Variants in RSPH10B2 observed in about 807,000 individuals in gnomAD.
RSPH10B2 encodes the protein radial spoke head 10 homolog B2 (Chlamydomonas).
A neutral mutation model predicts 49.0 loss-of-function variants in RSPH10B2; 9 were observed. The ratio of observed to expected loss-of-function variants is 0.18; its 90% CI spans 0.11 to 0.32. The LOEUF (loss-of-function observed/expected upper bound fraction) is 0.32, where lower values mean the gene tolerates loss of function less well. Among genes scored for constraint, RSPH10B2 ranks in the 10% least tolerant of loss-of-function variants. The pLI is 1.00. For missense variants in RSPH10B2, 95 were observed against 589.9 expected, an observed-to-expected ratio of 0.16 and a Z score of 8.69; for synonymous variants, 35 against 210.2, an observed-to-expected ratio of 0.17 and a Z score of 7.21.
intron 1 of RSPH10B2, among the ~76,000 whole-genome samples, chr7:6,758,872 CAAAA>C (rs1183601786): frequency 7.3e-6 from 1 of 136,606 alleles, no homozygotes; most frequent in African/African-American, 2.7e-5. Flanking sequence ...AAAAAACAAA[CAAAA>C]AAACCCCGAA....
At position 6,784,690 on chromosome 7, in the gene RSPH10B2, C is replaced by T. The variant is rs1428363505; in HGVS notation, c.1759-1259C>T. Among the ~76,000 whole-genome samples the T allele has an allele frequency of 2.3e-5, 3 of 129,384 alleles. 1 individual carries two copies. The highest frequency in any genetic ancestry group is 7.3e-3 in the Middle Eastern group (2 of 274). 84.9% of individuals were successfully genotyped at this position (129,384 alleles called of 152,430 possible). ...AAGTGATTCCCTTGCCTCAGCCTCC[C>T]GAGTAGCTGGGACTACAGGCACATG... On this transcript the variant is annotated intron_variant, in intron 13 of 18. Coordinates refer to ENST00000297186, the Ensembl canonical transcript of RSPH10B2.
rs1438476150 is a variant in RSPH10B2, at chr7:6,793,051, C to A, written c.2233+1054C>A. On this transcript the variant is annotated intron_variant, in intron 17 of 18. Coordinates refer to ENST00000297186, the Ensembl canonical transcript of RSPH10B2. The stretch of plus-strand genomic sequence containing the variant: ...TCTGAGATTACAGGTGTGAGCCCAC[C>A]CGCCCCTGGGCATTTTTTTTTTTTT... 3.7e-5 allele frequency among the ~76,000 whole-genome samples: 4 copies of A among 108,088 alleles called. 2 individuals are homozygous for A. Among genetic ancestry groups the A allele is most frequent in the African/African-American group, 1.5e-4 (4 of 26,772 alleles). 70.9% of individuals were successfully genotyped at this position (108,088 alleles called of 152,430 possible).
At chr7:6,783,879 C>T in intron 13 of RSPH10B2, among the ~76,000 whole-genome samples, 1 of 141,930 alleles carries the variant, frequency 7.0e-6, no homozygotes, top group African/African-American at 2.7e-5. Context: ...CTCTGTCGCC[C>T]AGGCTGGAGT....
rs1782667806 is a variant in RSPH10B2 at position 6,797,874 on chromosome 7, C to G, written c.2433-489C>G. Among the ~76,000 whole-genome samples, 2 of 100,276 alleles carry G rather than the reference C, an allele frequency of 2.0e-5. 1 individual carries two copies. The highest frequency in any genetic ancestry group is 3.8e-5 in the Non-Finnish European group (2 of 52,456). The allele number at this position is 100,276 out of a possible 152,430, so 65.8% of individuals were successfully genotyped here. A position where few individuals can be genotyped will look rare whatever the true frequency, so the allele number is the denominator to read the frequency against. On this transcript the variant is annotated intron_variant, in intron 18 of 18. Coordinates refer to ENST00000297186, the Ensembl canonical transcript of RSPH10B2. Reference sequence around the variant, plus strand: ...TCTCAAAAAAAAAAAAATACACACACACACACACACACACGTAACTTTGGG... The same window carrying G: ...TCTCAAAAAAAAAAAAATACACACAGACACACACACACACGTAACTTTGGG...
intron 16 of RSPH10B2, among the ~76,000 whole-genome samples, 177 bp from the exon 19 acceptor site, chr7:6,791,727 G>A (rs1456876514): frequency 8.9e-6 from 1 of 112,974 alleles, no homozygotes; most frequent in Non-Finnish European, 1.7e-5. Flanking sequence ...CTGGGCAACA[G>A]AGCAAGACTC....
intron 4 of RSPH10B2, among the ~76,000 whole-genome samples, chr7:6,764,861 TTCTC>T (rs1298941597): frequency 9.1e-6 from 1 of 109,412 alleles, no homozygotes; most frequent in African/African-American, 3.5e-5. Context: ...GATAGAAAAA[TTCTC>T]TCTCACACAC....
Position 6,793,107 on chromosome 7 carries a change from C to T in RSPH10B2, c.2233+1110C>T, listed in dbSNP as rs1253294828. The stretch of plus-strand genomic sequence containing the variant: ...TTTTTTAAAGAGGTGGGTTCTTGCT[C>T]TGTTGCCCAGGCTGGTCTTGAACTC... On this transcript the variant is annotated intron_variant, in intron 17 of 18. Transcript: ENST00000297186. Among the ~76,000 whole-genome samples the T allele has an allele frequency of 4.4e-5, 4 of 90,616 alleles. 1 individual carries two copies. Among genetic ancestry groups the T allele is most frequent in the African/African-American group, 1.9e-4 (4 of 21,028 alleles). 59.4% of individuals were successfully genotyped at this position (90,616 alleles called of 152,430 possible). A position where few individuals can be genotyped will look rare whatever the true frequency, so the allele number is the denominator to read the frequency against.
At chr7:6,793,975 T>TG (rs1419231145) in intron 17 of RSPH10B2, among the ~76,000 whole-genome samples, 1 of 152,074 alleles carries the variant, frequency 6.6e-6, no homozygotes. Flanking sequence ...CTAGGCATCT[T>TG]GGGGGGCTGT....
chr7:6,796,884 C>A, intron 18 of RSPH10B2, 118 bp downstream of exon 20: 3 of 569,990 alleles, frequency 5.3e-6, no homozygotes, highest in Non-Finnish European at 8.0e-6. Context: ...TTCCTATGGG[C>A]GTCGTTGACA....
rs749052554 is a variant in RSPH10B2, at chr7:6,765,811, C to G, written c.659+20C>G. 1.3e-6 allele frequency: 2 copies of G among 1,570,828 alleles called. No homozygotes were observed. The highest frequency in any genetic ancestry group is 8.6e-7 in the Non-Finnish European group (1 of 1,166,650). On this transcript the variant is annotated intron_variant, in intron 5 of 18. Transcript: ENST00000297186. ...AAGATGGTAGGTATGACCACTGCCGCGCTTGGGGTGTAGATGAAGAAGGGT... is the reference window on the plus strand; with the variant it reads ...AAGATGGTAGGTATGACCACTGCCGGGCTTGGGGTGTAGATGAAGAAGGGT...
intron 4 of RSPH10B2, among the ~76,000 whole-genome samples, chr7:6,764,518 G>A (rs1366330943): frequency 6.7e-5 from 10 of 149,762 alleles, no homozygotes; most frequent in South Asian, 6.5e-4. Context: ...GCACCACCAC[G>A]CCCAGCTAAT....
At chr7:6,770,158 TG>T in intron 7 of RSPH10B2, among the ~76,000 whole-genome samples, 1 of 5,822 alleles carries the variant, frequency 1.7e-4, no homozygotes, top group South Asian at 1.7e-3. Flanking sequence ...ACAGCTGCTG[TG>T]GTTCCAGCCT....
intron 16 of RSPH10B2, among the ~76,000 whole-genome samples, chr7:6,791,196 T>C: frequency 8.4e-6 from 1 of 118,816 alleles, no homozygotes; most frequent in Non-Finnish European, 1.7e-5. Flanking sequence ...AGAGATGGGG[T>C]TTCACCCATG....
At chr7:6,752,158 G>A (rs1253303532), upstream of RSPH10B2, among the ~76,000 whole-genome samples, 14 of 150,274 alleles carry the variant, frequency 9.3e-5, no homozygotes, top group East Asian at 1.9e-4. Context: ...TTCTCTGCCC[G>A]GCTGGAAGAA....
At chr7:6,756,091 AC>A (rs1321085057), upstream of RSPH10B2, among the ~76,000 whole-genome samples, 4 of 150,462 alleles carry the variant, frequency 2.7e-5, no homozygotes, top group Non-Finnish European at 2.9e-5. Context: ...ACCCGGTGAA[AC>A]CCCGTCTCTA....
intron 16 of RSPH10B2, among the ~76,000 whole-genome samples, chr7:6,791,486 G>A (rs1181721315): frequency 1.4e-5 from 2 of 145,632 alleles, no homozygotes; most frequent in Admixed American, 6.9e-5. Context: ...GCTCACACCT[G>A]TAATCCCAGC....
Sources: gnomAD v4.1 joint callset for allele counts (sites outside exome capture counted in the v4.1 genomes callset) on GRCh38, gnomAD v4.1.1 for gene constraint, MANE v1.5 for transcripts, NCBI Gene and HGNC (gene_info 2026-07-23, HGNC 2026-07-21) for gene names.